Variants in LRRTM4 observed in about 807,000 individuals in gnomAD.
LRRTM4 encodes leucine rich repeat transmembrane neuronal 4, also known as leucine-rich repeat transmembrane neuronal protein 4.
Under a neutral mutation model 47.6 loss-of-function variants are expected in LRRTM4, and 25 were observed. That is an observed-to-expected ratio of 0.53 (90% confidence interval 0.38 to 0.73). LRRTM4 has a LOEUF of 0.73. LRRTM4 is among the 30% of genes least tolerant of loss of function. LRRTM4 has a pLI of 0.00. For missense variants in LRRTM4, 638 were observed against 713.4 expected (o/e 0.89, Z 1.20); for synonymous variants, 311 against 269.5 (o/e 1.15, Z -1.51).
chr2:77,002,324 G>GA (rs1677462156), intron 3 of LRRTM4, among the ~76,000 whole-genome samples: 1 of 152,114 alleles, frequency 6.6e-6, no homozygotes, highest in Non-Finnish European at 1.5e-5. Context: ...AGAGAAGCTG[G>GA]AAAAATCATG....
At chr2:76,921,731 ATT>A (rs1436066126) in intron 3 of LRRTM4, among the ~76,000 whole-genome samples, 1 of 151,934 alleles carries the variant, frequency 6.6e-6, no homozygotes, top group African/African-American at 2.4e-5. Context: ...TCCCTTTAAT[ATT>A]TCCCCATTGT....
At chr2:77,001,738 C>T (rs182027454) in intron 3 of LRRTM4, among the ~76,000 whole-genome samples, 1 of 152,240 alleles carries the variant, frequency 6.6e-6, no homozygotes, top group Admixed American at 6.5e-5. Context: ...AAGAATTTTC[C>T]ACAGTGCTTC....
At chr2:76,909,732 A>C (rs1486475537) in intron 3 of LRRTM4, among the ~76,000 whole-genome samples, 1 of 152,220 alleles carries the variant, frequency 6.6e-6, no homozygotes, top group Non-Finnish European at 1.5e-5. Context: ...CAGCCAAAAA[A>C]ACACATGAAA....
At chr2:77,093,890 A>G (rs1346917940) in intron 3 of LRRTM4, among the ~76,000 whole-genome samples, 2 of 151,784 alleles carry the variant, frequency 1.3e-5, no homozygotes, top group African/African-American at 4.9e-5. Context: ...CTGGCTCAAA[A>G]AACACCCCCA....
At chr2:76,958,235 T>C (rs1297302295) in intron 3 of LRRTM4, among the ~76,000 whole-genome samples, 2 of 151,808 alleles carry the variant, frequency 1.3e-5, no homozygotes, top group African/African-American at 4.8e-5. Context: ...CCAAATTTAC[T>C]GTCACAATCT....
intron 3 of LRRTM4, among the ~76,000 whole-genome samples, chr2:77,038,341 C>A (rs189866369): frequency 3.8e-3 from 571 of 151,674 alleles, no homozygotes; most frequent in African/African-American, 0.013. Flanking sequence ...TATTAGAATT[C>A]ACTTGACCTT....
chr2:77,512,920 G>T (rs1482207610), intron 3 of LRRTM4, among the ~76,000 whole-genome samples: 1 of 152,102 alleles, frequency 6.6e-6, no homozygotes, highest in African/African-American at 2.4e-5. Flanking sequence ...TTTATTGTCA[G>T]TTTAAAATCT....
At chr2:76,849,836 T>TA (rs1267748996) in intron 3 of LRRTM4, among the ~76,000 whole-genome samples, 2 of 152,086 alleles carry the variant, frequency 1.3e-5, no homozygotes, top group Non-Finnish European at 2.9e-5. Flanking sequence ...AATTTTTTTT[T>TA]AAAAAGTAAG....
intron 3 of LRRTM4, among the ~76,000 whole-genome samples, chr2:76,809,333 A>G (rs1201905042): frequency 6.6e-6 from 1 of 152,056 alleles, no homozygotes. Context: ...GTGGACTTTG[A>G]TGTTTGCAGT....
chr2:76,773,822 A>T (rs189248451), intron 3 of LRRTM4, among the ~76,000 whole-genome samples: 4 of 151,468 alleles, frequency 2.6e-5, no homozygotes, highest in Admixed American at 2.6e-4. Context: ...TTTTTTTACC[A>T]TGTAGACAAA....
intron 3 of LRRTM4, among the ~76,000 whole-genome samples, chr2:76,825,587 T>C (rs970221126): frequency 2.6e-5 from 4 of 151,706 alleles, no homozygotes; most frequent in Non-Finnish European, 5.9e-5. Flanking sequence ...GTCCATTTTG[T>C]ATCCATTTAG....
chr2:76,761,350 A>G (rs1457653748), intron 3 of LRRTM4, among the ~76,000 whole-genome samples: 1 of 152,150 alleles, frequency 6.6e-6, no homozygotes, highest in Non-Finnish European at 1.5e-5. Context: ...ACTTGGCCCT[A>G]TTTATATCCT....
chr2:76,905,971 A>G (rs1673821198), intron 3 of LRRTM4, among the ~76,000 whole-genome samples: 1 of 152,098 alleles, frequency 6.6e-6, no homozygotes, highest in East Asian at 1.9e-4. Context: ...GCAGGCCAAC[A>G]TTCAGATTCA....
chr2:76,863,065 G>T (rs6750897), intron 3 of LRRTM4, among the ~76,000 whole-genome samples: 4 of 151,876 alleles, frequency 2.6e-5, no homozygotes, highest in South Asian at 4.1e-4. Context: ...TCTTAAACAC[G>T]TCTGACATTG....
chr2:76,853,162 C>G (rs1213892409), intron 3 of LRRTM4, among the ~76,000 whole-genome samples: 1 of 151,954 alleles, frequency 6.6e-6, no homozygotes, highest in Admixed American at 6.6e-5. Context: ...GATGCAATCA[C>G]ATTTGGTGTT....
intron 3 of LRRTM4, among the ~76,000 whole-genome samples, chr2:76,876,373 T>C (rs541528486): frequency 1.3e-5 from 2 of 152,270 alleles, no homozygotes; most frequent in South Asian, 2.1e-4. Flanking sequence ...AAAATTGTTA[T>C]ATAATTTTTG....
chr2:77,268,792 C>T (rs546651234), intron 3 of LRRTM4, among the ~76,000 whole-genome samples: 110 of 152,246 alleles, frequency 7.2e-4, no homozygotes, highest in African/African-American at 2.5e-3. Flanking sequence ...ACTAAACTAG[C>T]CATAATGACT....
chr2:77,194,956 C>T (rs1240574981), intron 3 of LRRTM4, among the ~76,000 whole-genome samples: 1 of 150,938 alleles, frequency 6.6e-6, no homozygotes, highest in Non-Finnish European at 1.5e-5. Flanking sequence ...TCAATTATAA[C>T]ATAGTTATAA....
At chr2:77,043,681 A>C in intron 3 of LRRTM4, among the ~76,000 whole-genome samples, 1 of 151,832 alleles carries the variant, frequency 6.6e-6, no homozygotes, top group East Asian at 1.9e-4. Context: ...AAATGTGCAG[A>C]TTACAGCCAA....
Sources: gnomAD v4.1 joint callset for allele counts (sites outside exome capture counted in the v4.1 genomes callset) on GRCh38, gnomAD v4.1.1 for gene constraint, MANE v1.5 for transcripts, NCBI Gene and HGNC (gene_info 2026-07-23, HGNC 2026-07-21) for gene names.